The following EPHA5 variants were observed in gnomAD, a reference collection of about 807,000 sequenced individuals.
EPHA5 encodes EPH receptor A5, also known as ephrin type-A receptor 5.
In EPHA5, 60 loss-of-function variants were observed where a neutral mutation model predicts 105.0. The observed-to-expected ratio is 0.57, with a 90% CI of 0.46 to 0.71. The LOEUF is 0.71. Among genes scored for constraint, EPHA5 ranks in the 30% least tolerant of loss-of-function variants. The probability of loss-of-function intolerance (pLI) is 0.00; values close to 1 mark genes in which losing one functional copy is unlikely to be tolerated. For synonymous variants in EPHA5, 513 were observed against 449.1 expected, an observed-to-expected ratio of 1.14 and a Z score of -1.80; for missense variants, 1,218 against 1,274.7, an observed-to-expected ratio of 0.96 and a Z score of 0.68.
chr4:65,487,005 G>A (rs1169368706), intron 5 of EPHA5, among the ~76,000 whole-genome samples: 1 of 152,242 alleles, frequency 6.6e-6, no homozygotes, highest in African/African-American at 2.4e-5. Context: ...CCTGTCTCTT[G>A]TATTCCTGCT....
intron 2 of EPHA5, among the ~76,000 whole-genome samples, chr4:65,621,405 T>C (rs1192169855): frequency 6.6e-6 from 1 of 152,152 alleles, no homozygotes; most frequent in Non-Finnish European, 1.5e-5. Context: ...AAGATACCCA[T>C]ATTTGATTCT....
At chr4:65,345,169 A>C (rs1722096330) in intron 14 of EPHA5, among the ~76,000 whole-genome samples, 1 of 152,194 alleles carries the variant, frequency 6.6e-6, no homozygotes, top group African/African-American at 2.4e-5. Context: ...AAAATCATAA[A>C]GCTGAAGACA....
rs533866385 is a variant in EPHA5 at position 65,335,951 on chromosome 4, G to A, written c.2770C>T (p.Leu924=). 9.7e-5 allele frequency: 157 copies of A among 1,611,528 alleles called. 2 individuals are homozygous for A. In the South Asian group the frequency reaches 1.6e-3, roughly 17 times the overall value. Residue 924 remains leucine, a synonymous_variant, in exon 15 of 17, where the codon CTG becomes TTG. Coordinates refer to ENST00000613740, the MANE Select transcript of EPHA5 (RefSeq NM_001281766.3). Reference sequence around the variant, plus strand: ...TTGTACCTGCAGGATGCATTAACCAGCGTCTTCAGACTACTTGGGTTACGT... The same window carrying A: ...TTGTACCTGCAGGATGCATTAACCAACGTCTTCAGACTACTTGGGTTACGT... ...LIRNPSSLKT[L]VNASCRVSNL... is the part of the protein sequence containing the mutation.
At chr4:65,330,497 A>C (rs1720506567) in intron 16 of EPHA5, 1 of 329,488 alleles carries the variant, frequency 3.0e-6, no homozygotes, top group Non-Finnish European at 4.4e-6. Flanking sequence ...GAAGAAGCAA[A>C]AATGTAGTAG....
chr4:65,534,619 T>C (rs1213608341), intron 3 of EPHA5, among the ~76,000 whole-genome samples: 2 of 152,206 alleles, frequency 1.3e-5, no homozygotes, highest in Admixed American at 6.5e-5. Flanking sequence ...TCAATGATAT[T>C]CCATGCACAT....
chr4:65,513,405 G>C (rs1733809480), intron 3 of EPHA5, among the ~76,000 whole-genome samples: 1 of 151,936 alleles, frequency 6.6e-6, no homozygotes, highest in South Asian at 2.1e-4. Flanking sequence ...TGTTTTTTCT[G>C]AGTTGGAGTC....
At chr4:65,391,302 G>A (rs1720694042) in intron 8 of EPHA5, among the ~76,000 whole-genome samples, 1 of 152,088 alleles carries the variant, frequency 6.6e-6, no homozygotes, top group Non-Finnish European at 1.5e-5. Flanking sequence ...ACAGCCATCA[G>A]CAGTATACAA....
At chr4:65,423,775 T>C (rs540304652) in intron 5 of EPHA5, among the ~76,000 whole-genome samples, 4 of 151,896 alleles carry the variant, frequency 2.6e-5, no homozygotes, top group Admixed American at 2.6e-4. Context: ...CATTCATTTC[T>C]GTAAGGAGCA....
chr4:65,561,030 C>A (rs901039378), intron 3 of EPHA5, among the ~76,000 whole-genome samples: 1 of 151,844 alleles, frequency 6.6e-6, no homozygotes, highest in African/African-American at 2.4e-5. Context: ...AACTTTAAAT[C>A]ACTTCCATTA....
intron 5 of EPHA5, among the ~76,000 whole-genome samples, chr4:65,483,012 C>T (rs554129672): frequency 2.0e-5 from 3 of 152,074 alleles, no homozygotes; most frequent in Non-Finnish European, 4.4e-5. Flanking sequence ...CCTCCTCACG[C>T]CCTCCACCCC....
At chr4:65,480,795 A>G (rs1027369265) in intron 5 of EPHA5, among the ~76,000 whole-genome samples, 2 of 152,118 alleles carry the variant, frequency 1.3e-5, no homozygotes, top group Non-Finnish European at 2.9e-5. Context: ...GAGCCACTTC[A>G]TATCCTTTAT....
chr4:65,536,875 T>G (rs1736341087), intron 3 of EPHA5, among the ~76,000 whole-genome samples: 1 of 151,820 alleles, frequency 6.6e-6, no homozygotes, highest in Admixed American at 6.6e-5. Context: ...AAATTAAAAT[T>G]AATGAAATTT....
chr4:65,407,259 T>G (rs1297278242), intron 7 of EPHA5, among the ~76,000 whole-genome samples: 1 of 152,110 alleles, frequency 6.6e-6, no homozygotes, highest in Non-Finnish European at 1.5e-5. Context: ...ATGTGCCAGT[T>G]TGGGAACTCT....
intron 4 of EPHA5, among the ~76,000 whole-genome samples, chr4:65,492,811 G>A (rs1178663870): frequency 1.3e-5 from 2 of 151,990 alleles, no homozygotes; most frequent in East Asian, 3.9e-4. Flanking sequence ...ACCCAGTAAT[G>A]GGATTGCTGG....
intron 3 of EPHA5, among the ~76,000 whole-genome samples, chr4:65,576,294 A>G (rs1741046509): frequency 6.6e-6 from 1 of 152,124 alleles, no homozygotes; most frequent in South Asian, 2.1e-4. Context: ...CTCTGCATCC[A>G]TGTGGAGAAA....
chr4:65,364,926 C>A lies in EPHA5; in HGVS notation c.2173+91G>T, dbSNP rs1294825182. On this transcript the variant is annotated intron_variant, in intron 11 of 16. Coordinates refer to ENST00000613740, the MANE Select transcript of EPHA5 (RefSeq NM_001281766.3). ...TAATATTAGAGAAATTAATATATTA[C>A]AATCTTGGTTTCTCTTTACCCTAAA... 3.9e-6 allele frequency: 4 copies of A among 1,031,104 alleles called. No homozygotes were observed. The East Asian group carries it at 1.0e-4, about 27-fold the overall frequency. 63.9% of individuals were successfully genotyped at this position (1,031,104 alleles called of 1,614,324 possible). A position where few individuals can be genotyped will look rare whatever the true frequency, so the allele number is the denominator to read the frequency against.
rs372028981 is a variant in EPHA5 at position 65,636,552 on chromosome 4, T to A, written c.246+6811A>T. On this transcript the variant is annotated intron_variant, in intron 2 of 16. Transcript: ENST00000613740. The stretch of plus-strand genomic sequence containing the variant: ...TTTCATCTACAAACAGAATATTAAG[T>A]GTCCCTTTGTGCATTGTCATTATTA... 7.1e-4 allele frequency among the ~76,000 whole-genome samples: 108 copies of A among 152,168 alleles called. 2 individuals carry two copies. The highest frequency in any genetic ancestry group is 5.0e-3 in the South Asian group (24 of 4,826).
chr4:65,495,605 AT>A, intron 3 of EPHA5, 62 bp from the exon 4 acceptor site: 2 of 1,400,050 alleles, frequency 1.4e-6, no homozygotes, highest in South Asian at 2.7e-5. Flanking sequence ...TGTTTTGTGA[AT>A]AATGTCATTA....
chr4:65,350,275 A>C (rs1216337985), intron 13 of EPHA5, among the ~76,000 whole-genome samples: 1 of 152,092 alleles, frequency 6.6e-6, no homozygotes, highest in Non-Finnish European at 1.5e-5. Flanking sequence ...TTTATTGATT[A>C]AGCTGACCAC....
Sources: gnomAD v4.1 joint callset for allele counts (sites outside exome capture counted in the v4.1 genomes callset) on GRCh38, gnomAD v4.1.1 for gene constraint, MANE v1.5 for transcripts, NCBI Gene and HGNC (gene_info 2026-07-23, HGNC 2026-07-21) for gene names.